Variants in UGGT2 observed in about 807,000 individuals in gnomAD.
The protein encoded by UGGT2 is UDP-glucose:glycoprotein glucosyltransferase 2.
UGGT2 carries 180 observed loss-of-function variants against 192.1 expected under a neutral mutation model. The ratio of observed to expected loss-of-function variants is 0.94; its 90% CI spans 0.83 to 1.06. The LOEUF is 1.06. Ranked by LOEUF, UGGT2 falls within the 50% of genes least tolerant of loss-of-function variation. The pLI is 0.00. For missense variants in UGGT2, 1,849 were observed against 1,795.7 expected (o/e 1.03, Z -0.54); for synonymous variants, 580 against 591.0 (o/e 0.98, Z 0.27).
At chr13:95,960,516 AC>A (rs2050355114) in intron 12 of UGGT2, among the ~76,000 whole-genome samples, 1 of 152,200 alleles carries the variant, frequency 6.6e-6, no homozygotes, top group Admixed American at 6.5e-5. Flanking sequence ...AAAAATACAT[AC>A]AAAAAAGAAT....
intron 20 of UGGT2, among the ~76,000 whole-genome samples, chr13:95,904,818 G>A (rs1439816692): frequency 6.6e-6 from 1 of 151,768 alleles, no homozygotes; most frequent in Non-Finnish European, 1.5e-5. Flanking sequence ...CCCAGTAATG[G>A]GATGGCTGGG....
chr13:95,877,649 GA>G (rs1566625473), intron 28 of UGGT2, 48 bp downstream of exon 28: 1 of 1,559,402 alleles, frequency 6.4e-7, no homozygotes, highest in Non-Finnish European at 8.7e-7. Flanking sequence ...GGAAAACAGA[GA>G]ATTCACCAAA....
intron 16 of UGGT2, among the ~76,000 whole-genome samples, chr13:95,939,571 TTATGA>T (rs1173673350): frequency 1.3e-5 from 2 of 151,924 alleles, no homozygotes; most frequent in Non-Finnish European, 2.9e-5. Context: ...ATATATATGT[TTATGA>T]TATATGACAT....
rs774853315 is a variant in UGGT2 at position 95,854,308 on chromosome 13, T to G, written c.4169+7A>C. 6.2e-7 allele frequency: 1 copy of G among 1,608,240 alleles called. No homozygotes were observed. The highest frequency in any genetic ancestry group is 8.5e-7 in the Non-Finnish European group (1 of 1,177,982). On this transcript the variant is annotated splice_region_variant and intron_variant, in intron 35 of 38. Transcript: ENST00000376747. ...TTACTAAATGGTAAGGGTCTGACTTTTCTTACCTGATATGGTATTTCCGTC... is the reference window on the plus strand; with the variant it reads ...TTACTAAATGGTAAGGGTCTGACTTGTCTTACCTGATATGGTATTTCCGTC...
intron 20 of UGGT2, among the ~76,000 whole-genome samples, chr13:95,918,024 T>C (rs1186239478): frequency 6.6e-6 from 1 of 152,214 alleles, no homozygotes; most frequent in Non-Finnish European, 1.5e-5. Flanking sequence ...AACTCAGCTC[T>C]GGATCAAGTG....
At chr13:96,035,492 A>G (rs1377966289) in intron 1 of UGGT2, among the ~76,000 whole-genome samples, 1 of 152,254 alleles carries the variant, frequency 6.6e-6, no homozygotes, top group African/African-American at 2.4e-5. Flanking sequence ...AATTCAGGAC[A>G]TAGACACAAG....
intron 35 of UGGT2, 56 bp downstream of exon 35, chr13:95,854,259 G>C: frequency 6.6e-7 from 1 of 1,516,292 alleles, no homozygotes; most frequent in South Asian, 1.3e-5. Flanking sequence ...AAAACTGAAA[G>C]TTGCAATTCA....
In UGGT2 at chr13:95,836,994, G is replaced by A. The variant is rs571528718; in HGVS notation, c.4401+92C>T. 2.3e-4 allele frequency: 226 copies of A among 976,030 alleles called. 1 individual carries two copies. Among genetic ancestry groups the A allele is most frequent in the Non-Finnish European group, 2.3e-4 (141 of 616,094 alleles). The allele number at this position is 976,030 out of a possible 1,614,324, so 60.5% of individuals were successfully genotyped here. A position where few individuals can be genotyped will look rare whatever the true frequency, so the allele number is the denominator to read the frequency against. ...AACAGCAGAAGAAGCGAAGTAATAC[G>A]TATGCCACTCCCTTTGTAAAACAGA... On this transcript the variant is annotated intron_variant, in intron 37 of 38. Coordinates refer to ENST00000376747, the MANE Select transcript of UGGT2 (RefSeq NM_020121.4).
intron 4 of UGGT2, among the ~76,000 whole-genome samples, chr13:96,019,120 AGC>A (rs1491439360): frequency 8.8e-4 from 1 of 1,142 alleles, no homozygotes; most frequent in African/African-American, 3.3e-3. Context: ...TGCCCTACAT[AGC>A]GGGGGGGGGG....
intron 20 of UGGT2, among the ~76,000 whole-genome samples, chr13:95,905,712 G>C (rs897437786): frequency 3.9e-5 from 6 of 152,160 alleles, no homozygotes; most frequent in Admixed American, 1.3e-4. Flanking sequence ...TTGTAGTATA[G>C]TTTGAAGTCA....
At chr13:95,831,102 G>C (rs1047375457) in intron 38 of UGGT2, among the ~76,000 whole-genome samples, 1 of 151,892 alleles carries the variant, frequency 6.6e-6, no homozygotes, top group African/African-American at 2.4e-5. Flanking sequence ...CACAGGGTGG[G>C]GAACACCATA....
At chr13:95,912,511 C>G (rs936672747) in intron 20 of UGGT2, among the ~76,000 whole-genome samples, 1 of 152,116 alleles carries the variant, frequency 6.6e-6, no homozygotes, top group African/African-American at 2.4e-5. Context: ...AATAAAATAC[C>G]TAGTAATCCA....
intron 27 of UGGT2, among the ~76,000 whole-genome samples, chr13:95,881,478 C>T (rs2047493411): frequency 6.6e-6 from 1 of 152,144 alleles, no homozygotes; most frequent in Non-Finnish European, 1.5e-5. Context: ...AGAGAATAAA[C>T]TGAGCCTAAG....
In UGGT2 at chr13:96,037,193, G is replaced by T. The variant is rs1206770390; in HGVS notation, c.159-5222C>A. On this transcript the variant is annotated intron_variant, in intron 1 of 38. Transcript: ENST00000376747. ...AAGGTATGCATACTGTAAAATGCTA[G>T]CCTCTTCAGCCTATAACCACCTCTA... 4.6e-5 allele frequency among the ~76,000 whole-genome samples: 7 copies of T among 152,032 alleles called. No individual in the cohort carries two copies. The East Asian group carries it at 1.4e-3, about 30-fold the overall frequency.
At chr13:95,954,639 A>C (rs1355040953) in intron 12 of UGGT2, among the ~76,000 whole-genome samples, 1 of 152,230 alleles carries the variant, frequency 6.6e-6, no homozygotes, top group Non-Finnish European at 1.5e-5. Context: ...AAAATCTTTG[A>C]ATCTGCCTAT....
intron 36 of UGGT2, among the ~76,000 whole-genome samples, chr13:95,846,973 T>A (rs1368073438): frequency 6.6e-6 from 1 of 152,066 alleles, no homozygotes; most frequent in Non-Finnish European, 1.5e-5. Flanking sequence ...AGATAGAGGT[T>A]CATCGGTTTT....
chr13:95,941,462 C>A (rs532278669), intron 15 of UGGT2, among the ~76,000 whole-genome samples: 1 of 152,134 alleles, frequency 6.6e-6, no homozygotes, highest in African/African-American at 2.4e-5. Flanking sequence ...CTCCTCCTAT[C>A]AAAGTAGAAC....
intron 26 of UGGT2, among the ~76,000 whole-genome samples, chr13:95,885,731 A>T (rs879409321): frequency 6.6e-6 from 1 of 152,216 alleles, no homozygotes; most frequent in Non-Finnish European, 1.5e-5. Flanking sequence ...TCATGAAGTA[A>T]ATGTTCAAAA....
At chr13:95,817,033 C>T (rs1884970153) in intron 38 of UGGT2, among the ~76,000 whole-genome samples, 1 of 152,142 alleles carries the variant, frequency 6.6e-6, no homozygotes, top group Admixed American at 6.5e-5. Flanking sequence ...GAAGCTGAGA[C>T]ACAAGAATCG....
Sources: gnomAD v4.1 joint callset for allele counts (sites outside exome capture counted in the v4.1 genomes callset) on GRCh38, gnomAD v4.1.1 for gene constraint, MANE v1.5 for transcripts, NCBI Gene and HGNC (gene_info 2026-07-23, HGNC 2026-07-21) for gene names.